IQCM: variants seen among roughly 807,000 people sequenced by gnomAD.
IQCM encodes IQ domain-containing protein M.
A neutral mutation model predicts 57.6 loss-of-function variants in IQCM; 45 were observed. The observed-to-expected ratio is 0.78, with a 90% CI of 0.62 to 1.00. IQCM has a LOEUF of 1.00. Among genes scored for constraint, IQCM ranks in the 50% least tolerant of loss-of-function variants. IQCM has a pLI of 0.00. For synonymous variants in IQCM, 148 were observed against 158.9 expected, an observed-to-expected ratio of 0.93 and a Z score of 0.51; for missense variants, 468 against 511.6, an observed-to-expected ratio of 0.91 and a Z score of 0.82.
chr4:149,582,434 A>G (rs1368144850), intron 9 of IQCM, among the ~76,000 whole-genome samples: 5 of 147,564 alleles, frequency 3.4e-5, no homozygotes, highest in Non-Finnish European at 7.5e-5. Flanking sequence ...GGTGACTTCT[A>G]GAAGACCAAG....
chr4:149,464,311 T>C (rs2149714943), intron 12 of IQCM, among the ~76,000 whole-genome samples: 1 of 152,258 alleles, frequency 6.6e-6, no homozygotes, highest in Non-Finnish European at 1.5e-5. Flanking sequence ...CTTAAATAAA[T>C]CTCAATCTCT....
intron 12 of IQCM, among the ~76,000 whole-genome samples, chr4:149,481,701 G>GTTTTTTTT (rs57465501): frequency 8.7e-4 from 45 of 51,576 alleles, no homozygotes; most frequent in African/African-American, 2.2e-3. Context: ...TTCCAGTTTT[G>GTTTTTTTT]TTTTTTTTTT....
chr4:149,677,828 G>T (rs1364898540), intron 7 of IQCM, among the ~76,000 whole-genome samples: 2 of 151,810 alleles, frequency 1.3e-5, no homozygotes, highest in Non-Finnish European at 2.9e-5. Flanking sequence ...ATTTAACAAA[G>T]AGATTGAAAT....
chr4:149,779,334 G>C (rs1771387010), intron 2 of IQCM, among the ~76,000 whole-genome samples: 1 of 146,182 alleles, frequency 6.8e-6, no homozygotes, highest in Non-Finnish European at 1.5e-5. Context: ...GATGAATAAA[G>C]TGGGAAGAAT....
intron 2 of IQCM, among the ~76,000 whole-genome samples, chr4:149,803,261 C>T (rs1773772447): frequency 6.6e-6 from 1 of 151,852 alleles, no homozygotes; most frequent in African/African-American, 2.4e-5. Context: ...TGTTATGTGC[C>T]ATCATAAGGA....
intron 13 of IQCM, among the ~76,000 whole-genome samples, chr4:149,370,586 C>G (rs1560781373): frequency 6.6e-6 from 1 of 151,998 alleles, no homozygotes; most frequent in Non-Finnish European, 1.5e-5. Flanking sequence ...TACACACACA[C>G]ACACACCCTT....
At chr4:149,670,556 G>T (rs1011039986) in intron 7 of IQCM, among the ~76,000 whole-genome samples, 4 of 152,140 alleles carry the variant, frequency 2.6e-5, no homozygotes, top group African/African-American at 9.7e-5. Context: ...TCTTGTGCCA[G>T]TTTTCAAAGG....
At position 149,682,385 on chromosome 4, in the gene IQCM, A is replaced by T. The variant is rs1330856192; in HGVS notation, c.477-179T>A. On this transcript the variant is annotated intron_variant, in intron 6 of 13. Transcript: ENST00000636793. ...GAGTAAATATTATTAAACAAAGACA[A>T]AATACTACGAAATTTTGCTGGTTCT... 2.6e-5 allele frequency among the ~76,000 whole-genome samples: 4 copies of T among 151,174 alleles called. No homozygotes were observed. In the South Asian group the frequency reaches 6.2e-4, roughly 23 times the overall value.
rs148654970 is a variant in IQCM at position 149,812,174 on chromosome 4, G to A, written c.-49+3137C>T. 1.2e-4 allele frequency among the ~76,000 whole-genome samples: 19 copies of A among 152,238 alleles called. No individual in the cohort carries two copies. The East Asian group carries it at 3.5e-3, about 28-fold the overall frequency. On this transcript the variant is annotated intron_variant, in intron 2 of 13. Transcript: ENST00000636793. ...TCAAAGTATGGTTTATTACTCCTTT[G>A]GGTGAACTGAGAAATACAAATGCTT...
intron 2 of IQCM, among the ~76,000 whole-genome samples, chr4:149,769,848 T>C (rs534845019): frequency 6.6e-6 from 1 of 152,112 alleles, no homozygotes; most frequent in Non-Finnish European, 1.5e-5. Flanking sequence ...GGTTGGAAAG[T>C]TGAATATTTC....
At chr4:149,471,088 A>C (rs1739480940) in intron 12 of IQCM, among the ~76,000 whole-genome samples, 1 of 152,156 alleles carries the variant, frequency 6.6e-6, no homozygotes, top group Non-Finnish European at 1.5e-5. Context: ...CACATTCAAA[A>C]GCTAGCAGAA....
chr4:149,702,984 T>C (rs1763881329), intron 5 of IQCM, among the ~76,000 whole-genome samples: 2 of 151,872 alleles, frequency 1.3e-5, no homozygotes, highest in Non-Finnish European at 2.9e-5. Flanking sequence ...TCTGCAAATG[T>C]GTGTGTGGGA....
At chr4:149,613,155 G>A (rs917626003) in intron 8 of IQCM, among the ~76,000 whole-genome samples, 70 of 152,026 alleles carry the variant, frequency 4.6e-4, no homozygotes, top group African/African-American at 1.7e-3. Flanking sequence ...CCCATTAGAG[G>A]AGAAAATCAT....
chr4:149,695,167 G>A (rs535219146), intron 5 of IQCM, among the ~76,000 whole-genome samples: 3 of 152,076 alleles, frequency 2.0e-5, no homozygotes, highest in South Asian at 2.1e-4. Context: ...GAACTCTGAC[G>A]GTTTCTTGAG....
At chr4:149,736,082 G>A (rs1766911859) in intron 3 of IQCM, among the ~76,000 whole-genome samples, 1 of 151,494 alleles carries the variant, frequency 6.6e-6, no homozygotes, top group Non-Finnish European at 1.5e-5. Context: ...TGAGTATCTG[G>A]GATTACAGGC....
intron 11 of IQCM, among the ~76,000 whole-genome samples, chr4:149,550,583 A>T (rs1380859690): frequency 6.6e-6 from 1 of 152,202 alleles, no homozygotes; most frequent in Non-Finnish European, 1.5e-5. Flanking sequence ...ATTATGCCCT[A>T]TGAGCAAACT....
At chr4:149,615,721 A>T (rs758699847) in intron 8 of IQCM, among the ~76,000 whole-genome samples, 20 of 152,228 alleles carry the variant, frequency 1.3e-4, no homozygotes, top group Non-Finnish European at 1.6e-4. Context: ...TAAAATTTTG[A>T]TAAGACTAAC....
intron 8 of IQCM, among the ~76,000 whole-genome samples, chr4:149,589,258 C>A (rs1485641623): frequency 6.6e-6 from 1 of 151,926 alleles, no homozygotes; most frequent in Non-Finnish European, 1.5e-5. Context: ...GTTGTTGTCT[C>A]CCTCAGGCGC....
intron 13 of IQCM, among the ~76,000 whole-genome samples, chr4:149,386,558 T>C (rs1011035394): frequency 1.3e-5 from 2 of 152,040 alleles, no homozygotes; most frequent in Non-Finnish European, 1.5e-5. Flanking sequence ...TAGCAAGAAT[T>C]CCTTTGTATT....
Sources: gnomAD v4.1 joint callset for allele counts (sites outside exome capture counted in the v4.1 genomes callset) on GRCh38, gnomAD v4.1.1 for gene constraint, MANE v1.5 for transcripts, NCBI Gene and HGNC (gene_info 2026-07-23, HGNC 2026-07-21) for gene names.